Variants in TRIP12 observed in about 807,000 individuals in gnomAD.
TRIP12 encodes thyroid hormone receptor interactor 12.
A neutral mutation model predicts 244.2 loss-of-function variants in TRIP12; 25 were observed. That is an observed-to-expected ratio of 0.10 (90% CI 0.07 to 0.14). TRIP12 has a LOEUF of 0.14. TRIP12 is among the 10% of genes least tolerant of loss of function. The pLI is 1.00. For synonymous variants in TRIP12, 905 were observed against 873.1 expected (o/e 1.04, Z -0.64); for missense variants, 1,677 against 2,486.4 (o/e 0.67, Z 6.92).
chr2:229,848,511 A>G (rs893426490), intron 4 of TRIP12, among the ~76,000 whole-genome samples: 2 of 152,200 alleles, frequency 1.3e-5, no homozygotes, highest in Admixed American at 6.5e-5. Context: ...TCAAGAGAAA[A>G]GTTGGAAGAT....
chr2:229,858,408 T>G (rs938761235), intron 4 of TRIP12, among the ~76,000 whole-genome samples: 4 of 152,140 alleles, frequency 2.6e-5, no homozygotes, highest in African/African-American at 9.7e-5. Flanking sequence ...AACTCATAAC[T>G]AAAAAGAACT....
At chr2:229,922,785 G>C (rs1052496104), upstream of TRIP12, among the ~76,000 whole-genome samples, 4 of 152,298 alleles carry the variant, frequency 2.6e-5, no homozygotes, top group African/African-American at 9.6e-5. Flanking sequence ...GACGGCCCGC[G>C]TGTCCCTGCT....
chr2:229,805,591 T>TA lies in TRIP12; in HGVS notation c.2650+138dup, dbSNP rs34082979. The stretch of plus-strand genomic sequence containing the variant: ...CACTCATCCATTAATGGACATGATT[T>TA]AAAAAATCGAAAACCAAATTATTGT... On this transcript the variant is annotated intron_variant, in intron 18 of 41. Transcript: ENST00000675903. The TA allele has an allele frequency of 6.2e-6, 5 of 806,508 alleles. No individual in the cohort carries two copies. In the East Asian group the frequency reaches 1.1e-4, roughly 18 times the overall value. 50.0% of individuals were successfully genotyped at this position (806,508 alleles called of 1,614,324 possible).
chr2:229,844,138 T>A (rs2154316058), intron 4 of TRIP12, among the ~76,000 whole-genome samples: 1 of 152,346 alleles, frequency 6.6e-6, no homozygotes, highest in South Asian at 2.1e-4. Flanking sequence ...TGACCTTAGA[T>A]ATTTTACTTA....
chr2:229,858,815 C>T lies in TRIP12; in HGVS notation c.984G>A (p.Glu328=). 1 of 1,609,226 alleles carries T rather than the reference C, an allele frequency of 6.2e-7. No individual in the cohort carries two copies. The highest frequency in any genetic ancestry group is 8.5e-7 in the Non-Finnish European group (1 of 1,175,934). The stretch of plus-strand genomic sequence containing the variant: ...ATCCAGAAGGTCCAGGTTTTGATGT[C>T]TCTGACTTAGAAGACCCTGGAAGAG... The part of the protein sequence containing the change: ...KLSLPGSSKS[E]TSKPGPSGLQ... Residue 328 remains glutamate, a synonymous_variant, in exon 4 of 42, where the codon GAG becomes GAA. Coordinates refer to ENST00000675903, the MANE Select transcript of TRIP12 (RefSeq NM_001348323.3).
intron 9 of TRIP12, among the ~76,000 whole-genome samples, chr2:229,817,647 T>C (rs1400974565): frequency 1.3e-5 from 2 of 152,176 alleles, no homozygotes; most frequent in East Asian, 3.9e-4. Flanking sequence ...TGGCGCGATC[T>C]TGGCTCACTG....
chr2:229,773,764 G>T, intron 38 of TRIP12: 1 of 197,176 alleles, frequency 5.1e-6, no homozygotes, highest in African/African-American at 2.3e-5. Context: ...ATTCTGTCAA[G>T]CTAGCTGCCT....
chr2:229,789,275 G>GC (rs1559409087), intron 31 of TRIP12, among the ~76,000 whole-genome samples: 2 of 152,166 alleles, frequency 1.3e-5, no homozygotes, highest in Non-Finnish European at 2.9e-5. Context: ...AAGGCAGCAT[G>GC]CAACTTTCAC....
At chr2:229,877,337 CT>C (rs1021031450) in intron 2 of TRIP12, among the ~76,000 whole-genome samples, 1 of 151,928 alleles carries the variant, frequency 6.6e-6, no homozygotes, top group African/African-American at 2.4e-5. Flanking sequence ...CAAGACCAGC[CT>C]GGCCAAGATG....
At chr2:229,797,327 C>CT (rs1216185080) in intron 24 of TRIP12, among the ~76,000 whole-genome samples, 1 of 152,194 alleles carries the variant, frequency 6.6e-6, no homozygotes, top group Admixed American at 6.5e-5. Flanking sequence ...TCCTGCCACT[C>CT]TGAGACCCCA....
chr2:229,912,226 T>A (rs1393667435), intron 1 of TRIP12, among the ~76,000 whole-genome samples: 1 of 152,226 alleles, frequency 6.6e-6, no homozygotes, highest in East Asian at 1.9e-4. Context: ...TCACTACTTC[T>A]ATCTCCTCCA....
chr2:229,922,578 A>G (rs183069679), upstream of TRIP12: 15 of 1,614,030 alleles, frequency 9.3e-6, no homozygotes, highest in African/African-American at 1.9e-4. Context: ...CCTAGCAAAG[A>G]CTATTACCAG....
chr2:229,768,522 G>A, intron 41 of TRIP12, 94 bp downstream of exon 41: 1 of 1,116,424 alleles, frequency 9.0e-7, no homozygotes. Context: ...CACTGCAAGT[G>A]AGATAAAGAA....
intron 2 of TRIP12, among the ~76,000 whole-genome samples, chr2:229,863,590 C>T: frequency 6.6e-6 from 1 of 152,174 alleles, no homozygotes; most frequent in Non-Finnish European, 1.5e-5. Flanking sequence ...CCCTGGCTAA[C>T]AAGGAATAGA....
intron 1 of TRIP12, among the ~76,000 whole-genome samples, chr2:229,896,987 A>C (rs999594837): frequency 1.3e-5 from 2 of 152,202 alleles, no homozygotes; most frequent in African/African-American, 4.8e-5. Flanking sequence ...ATAACATATC[A>C]ATGTAGGTTC....
intron 4 of TRIP12, 68 bp from the exon 5 acceptor site, chr2:229,840,995 T>G: frequency 8.5e-7 from 1 of 1,176,026 alleles, no homozygotes; most frequent in Non-Finnish European, 1.2e-6. Context: ...AATTATAAAA[T>G]TCTTCAGGTC....
chr2:229,844,135 A>G (rs1290351479), intron 4 of TRIP12, among the ~76,000 whole-genome samples: 1 of 152,220 alleles, frequency 6.6e-6, no homozygotes, highest in Admixed American at 6.5e-5. Flanking sequence ...CAATGACCTT[A>G]GATATTTTAC....
chr2:229,880,997 T>G (rs542474459), intron 1 of TRIP12, among the ~76,000 whole-genome samples: 3 of 152,152 alleles, frequency 2.0e-5, no homozygotes, highest in Non-Finnish European at 4.4e-5. Flanking sequence ...ACTGAAAAGA[T>G]GAGGAGAAAA....
intron 4 of TRIP12, among the ~76,000 whole-genome samples, chr2:229,854,017 G>C (rs6724938): frequency 0.015 from 2,253 of 152,156 alleles, 49 homozygotes; most frequent in African/African-American, 0.052. Context: ...ATAAAATTAT[G>C]CAATTTTATT....
Sources: gnomAD v4.1 joint callset for allele counts (sites outside exome capture counted in the v4.1 genomes callset) on GRCh38, gnomAD v4.1.1 for gene constraint, MANE v1.5 for transcripts, NCBI Gene and HGNC (gene_info 2026-07-23, HGNC 2026-07-21) for gene names.